The following WNT10A variants were observed in gnomAD, a reference collection of about 807,000 sequenced individuals.
WNT10A encodes protein Wnt-10a.
In WNT10A, 37 loss-of-function variants were observed where a neutral mutation model predicts 36.1. The observed-to-expected ratio is 1.02, with a 90% confidence interval of 0.79 to 1.35. The LOEUF is 1.35. Ranked by LOEUF, WNT10A falls within the 40% of genes most tolerant of loss-of-function variation. WNT10A has a pLI of 0.00. For synonymous variants in WNT10A, 255 were observed against 254.1 expected (o/e 1.00, Z -0.03); for missense variants, 613 against 601.4 (o/e 1.02, Z -0.20).
Position 218,890,015 on chromosome 2 carries a change from C to T in WNT10A, c.408C>T (p.Ile136=), listed in dbSNP as rs201117517. The T allele has an allele frequency of 1.2e-5, 19 of 1,613,474 alleles. No individual in the cohort carries two copies. Among genetic ancestry groups the T allele is most frequent in the East Asian group, 8.9e-5 (4 of 44,902 alleles). Reference sequence around the variant, plus strand: ...GAGAGAGCGCTTTTGCCTACGCCATCGCAGCAGCTGGCGTGGTGCACGCCG... The same window carrying T: ...GAGAGAGCGCTTTTGCCTACGCCATTGCAGCAGCTGGCGTGGTGCACGCCG... ...GFRESAFAYA[I]AAAGVVHAVS... Residue 136 remains isoleucine, a synonymous_variant, in exon 3 of 4, where the codon ATC becomes ATT. Transcript: ENST00000258411.
At chr2:218,889,044 A>C (rs1168135357) in intron 2 of WNT10A, among the ~76,000 whole-genome samples, 1 of 152,190 alleles carries the variant, frequency 6.6e-6, no homozygotes, top group Non-Finnish European at 1.5e-5. Context: ...TGTACACTGC[A>C]CCCAATGTGT....
At chr2:218,875,649 C>T in the WNT10A span, among the ~76,000 whole-genome samples, 2 of 152,180 alleles carry the variant, frequency 1.3e-5, no homozygotes, top group African/African-American at 4.8e-5. Context: ...AAAATTAATT[C>T]CACCTCTCAA....
Position 218,893,180 on chromosome 2 carries a change from G to A in WNT10A, c.1163G>A (p.Arg388His). The change falls in exon 4 of 4, where the codon CGC (arginine) becomes CAC (histidine). Residue 388 changes from arginine (R) to histidine (H), a missense_variant. Physicochemically the swap from Arg to His is conservative, Grantham distance 29 (BLOSUM62 0). Coordinates refer to ENST00000258411, the MANE Select transcript of WNT10A (RefSeq NM_025216.3). This position sits in a 1 kb window ranked among gnomAD's most constrained non-coding sequence, Gnocchi z 6.3. ...GGCCACAACATCCTGCGCCAGACGC[G>A]CAGCGAGCGCTGCCACTGCCGCTTC... is the stretch of plus-strand genomic sequence containing the variant. ...GRGHNILRQTRSERCHCRFHW... is the reference protein window; with the variant it reads ...GRGHNILRQTHSERCHCRFHW... 3 of 1,580,852 alleles carry A rather than the reference G, an allele frequency of 1.9e-6. No individual in the cohort carries two copies. The highest frequency in any genetic ancestry group is 2.6e-6 in the Non-Finnish European group (3 of 1,170,266).
intron 3 of WNT10A, among the ~76,000 whole-genome samples, chr2:218,891,485 C>G (rs1944649915): frequency 6.6e-6 from 1 of 152,150 alleles, no homozygotes; most frequent in Non-Finnish European, 1.5e-5. Flanking sequence ...TCAGCAATTC[C>G]CATCTTGACT....
intron 3 of WNT10A, among the ~76,000 whole-genome samples, chr2:218,891,801 T>C (rs1575234276): frequency 6.6e-6 from 1 of 152,324 alleles, no homozygotes; most frequent in Non-Finnish European, 1.5e-5. Context: ...CTTATGGCCC[T>C]ACTGCCCAAG....
At chr2:218,890,732 G>A (rs1944641953) in intron 3 of WNT10A, among the ~76,000 whole-genome samples, 1 of 152,142 alleles carries the variant, frequency 6.6e-6, no homozygotes, top group South Asian at 2.1e-4. Flanking sequence ...TGACAAGGTT[G>A]AACTAGATCA....
intron 2 of WNT10A, among the ~76,000 whole-genome samples, chr2:218,888,391 T>C (rs1368775067): frequency 2.0e-5 from 3 of 152,210 alleles, no homozygotes; most frequent in African/African-American, 7.2e-5. Context: ...AGGAAGGCAG[T>C]GTGGACAAGC....
intron 1 of WNT10A, among the ~76,000 whole-genome samples, chr2:218,881,330 A>G (rs943274511): frequency 3.7e-4 from 57 of 152,158 alleles, no homozygotes; most frequent in African/African-American, 1.3e-3. Context: ...GCCCAGGAGC[A>G]TGATGGCAAC....
At chr2:218,879,080 C>G (rs13022494), upstream of WNT10A, among the ~76,000 whole-genome samples, 2 of 139,622 alleles carry the variant, frequency 1.4e-5, no homozygotes, top group Non-Finnish European at 3.2e-5. Context: ...CCCCCCACTG[C>G]CCCACCCCCA....
chr2:218,883,429 CAGAA>C (rs1944540747), intron 2 of WNT10A, among the ~76,000 whole-genome samples: 1 of 152,210 alleles, frequency 6.6e-6, no homozygotes, highest in East Asian at 1.9e-4. Flanking sequence ...TCGGAAAACT[CAGAA>C]AGCCGCGGCC....
At position 218,881,054 on chromosome 2, in the gene WNT10A, C is replaced by A. The variant is rs779424847; in HGVS notation, c.59C>A (p.Pro20Gln). 164 of 1,604,704 alleles carry A rather than the reference C, an allele frequency of 1.0e-4. No homozygotes were observed. Among genetic ancestry groups the A allele is most frequent in the Admixed American group, 1.7e-4 (10 of 59,286 alleles). The change falls in exon 1 of 4, where the codon CCA (proline) becomes CAA (glutamine). Residue 20 changes from proline to glutamine, a missense_variant. Coordinates refer to ENST00000258411, the MANE Select transcript of WNT10A (RefSeq NM_025216.3). Reference sequence around the variant, plus strand: ...CTCCGACCCCAGCCCCAGCCGCGGCCAGCGCTCTGGGTGCTCCTGTTCTTC... The same window carrying A: ...CTCCGACCCCAGCCCCAGCCGCGGCAAGCGCTCTGGGTGCTCCTGTTCTTC... ...LRLRPQPQPR[P>Q]ALWVLLFFLL...
intron 2 of WNT10A, among the ~76,000 whole-genome samples, chr2:218,889,686 A>G (rs746333128): frequency 3.9e-5 from 6 of 152,224 alleles, no homozygotes; most frequent in Non-Finnish European, 8.8e-5. Flanking sequence ...TTTCTGCTCT[A>G]CAGTAGAGAT....
chr2:218,886,923 C>A (rs1315270215), intron 2 of WNT10A, among the ~76,000 whole-genome samples: 1 of 152,144 alleles, frequency 6.6e-6, no homozygotes, highest in Non-Finnish European at 1.5e-5. Flanking sequence ...GTGTCTTTAG[C>A]TGCATGGGGT....
intron 2 of WNT10A, among the ~76,000 whole-genome samples, chr2:218,885,876 C>A (rs1227683631): frequency 6.6e-6 from 1 of 152,246 alleles, no homozygotes; most frequent in Non-Finnish European, 1.5e-5. Flanking sequence ...TTAGCCAACA[C>A]ATACTAAGCA....
the WNT10A span, among the ~76,000 whole-genome samples, chr2:218,874,587 T>G: frequency 6.6e-6 from 1 of 152,190 alleles, no homozygotes; most frequent in Admixed American, 6.5e-5. Context: ...CAGTTCTGGA[T>G]TCTCCAGAGC....
intron 2 of WNT10A, among the ~76,000 whole-genome samples, chr2:218,888,860 G>T (rs1426078265): frequency 6.6e-6 from 1 of 152,114 alleles, no homozygotes. Context: ...TTTCATCATT[G>T]ACAATTTATT....
the WNT10A span, chr2:218,874,123 T>C: frequency 2.3e-6 from 1 of 429,048 alleles, no homozygotes; most frequent in Non-Finnish European, 4.0e-6. Context: ...GAAACAGTTT[T>C]TTAGACTGGA....
At chr2:218,886,777 CT>C (rs1944583427) in intron 2 of WNT10A, among the ~76,000 whole-genome samples, 1 of 152,252 alleles carries the variant, frequency 6.6e-6, no homozygotes, top group South Asian at 2.1e-4. Flanking sequence ...TGAACAGGAG[CT>C]GGGTGCAGAC....
chr2:218,893,296 GA>G lies in WNT10A; in HGVS notation c.*26del. The stretch of plus-strand genomic sequence containing the variant: ...AGCGGCCCGGGGTCCCCTGGGCCCT[GA>G]TCGAGGTCCCCTCCTGGAGCCTGGC... On this transcript the variant is annotated 3_prime_UTR_variant, in exon 4 of 4. Transcript: ENST00000258411. This position sits in a 1 kb window ranked among gnomAD's most constrained non-coding sequence, Gnocchi z 6.3. The G allele has an allele frequency of 6.5e-7, 1 of 1,535,852 alleles. No homozygotes were observed.
Sources: allele counts gnomAD v4.1 joint callset (sites outside exome capture counted in the v4.1 genomes callset), GRCh38; gene constraint gnomAD v4.1.1; non-coding constraint Gnocchi (gnomAD v3.1); transcripts MANE v1.5; gene names NCBI Gene and HGNC (gene_info 2026-07-23, HGNC 2026-07-21).